SDK1: variants seen among roughly 807,000 people sequenced by gnomAD.
SDK1 encodes the protein protein sidekick-1.
Under a neutral mutation model 245.5 loss-of-function variants are expected in SDK1, and 157 were observed. That is an observed-to-expected ratio of 0.64 (90% CI 0.56 to 0.73). The LOEUF is 0.73. SDK1 is among the 30% of genes least tolerant of loss of function. SDK1 has a pLI of 0.00. For missense variants in SDK1, 3,583 were observed against 3,002.3 expected, an observed-to-expected ratio of 1.19 and a Z score of -4.52; for synonymous variants, 1,647 against 1,278.5, an observed-to-expected ratio of 1.29 and a Z score of -6.15.
chr7:3,870,460 T>C (rs1780929453), intron 5 of SDK1, among the ~76,000 whole-genome samples: 1 of 152,120 alleles, frequency 6.6e-6, no homozygotes, highest in African/African-American at 2.4e-5. Flanking sequence ...AGTAAATAGT[T>C]TTTATTCCTG....
chr7:3,478,787 C>G (rs1317685833), intron 1 of SDK1, among the ~76,000 whole-genome samples: 1 of 151,970 alleles, frequency 6.6e-6, no homozygotes, highest in Non-Finnish European at 1.5e-5. Flanking sequence ...TGATGCTTAG[C>G]TTGTTTATTT....
rs149119952 is a variant in SDK1, at chr7:4,245,718, C to T, written c.6294C>T (p.Asp2098=). ...GCCCCGGCGGCCTGCACTACTCAGA[C>T]GAGGACATCTGCAACAAGTACAACG... is the stretch of plus-strand genomic sequence containing the variant. ...RPSPGGLHYS[D]EDICNKYNGA... is the part of the protein sequence containing the mutation. The change falls in exon 44 of 45, where the codon GAC becomes GAT. Residue 2098 remains aspartate, a synonymous_variant. Transcript: ENST00000404826. 145 of 1,613,966 alleles carry T rather than the reference C, an allele frequency of 9.0e-5. No individual in the cohort carries two copies. In the African/African-American group the frequency reaches 1.6e-3, roughly 18 times the overall value.
At chr7:3,348,333 A>C (rs1258620296) in intron 1 of SDK1, among the ~76,000 whole-genome samples, 1 of 152,228 alleles carries the variant, frequency 6.6e-6, no homozygotes, top group Non-Finnish European at 1.5e-5. Context: ...GTAAGTGTGC[A>C]GTAAATGTGA....
At chr7:3,988,327 C>G (rs771834060) in intron 14 of SDK1, among the ~76,000 whole-genome samples, 4 of 151,780 alleles carry the variant, frequency 2.6e-5, no homozygotes, top group Non-Finnish European at 4.4e-5. Flanking sequence ...ATTCTGATCC[C>G]TTTCCTCTCT....
At chr7:3,691,688 AAC>A (rs1405004765) in intron 4 of SDK1, among the ~76,000 whole-genome samples, 1 of 152,226 alleles carries the variant, frequency 6.6e-6, no homozygotes, top group African/African-American at 2.4e-5. Context: ...CACCAACACA[AAC>A]ACACACCCCT....
At chr7:3,682,549 G>T (rs1467311090) in intron 4 of SDK1, among the ~76,000 whole-genome samples, 1 of 152,268 alleles carries the variant, frequency 6.6e-6, no homozygotes, top group Non-Finnish European at 1.5e-5. Flanking sequence ...ACAGTGCTGA[G>T]CCCCCATGCA....
chr7:3,432,410 A>G (rs1009585176), intron 1 of SDK1, among the ~76,000 whole-genome samples: 5 of 152,102 alleles, frequency 3.3e-5, no homozygotes, highest in South Asian at 2.1e-4. Flanking sequence ...GATTTGTACT[A>G]TGGCAATCTT....
chr7:3,971,556 G>T lies in SDK1; in HGVS notation c.1805G>T (p.Arg602Leu), dbSNP rs201803447. 1 of 1,611,288 alleles carries T rather than the reference G, an allele frequency of 6.2e-7. No individual in the cohort carries two copies. Among genetic ancestry groups the T allele is most frequent in the Admixed American group, 1.7e-5 (1 of 59,812 alleles). ...TLHCGATHDPRVSLRYVWKKD... is the reference protein window; with the variant it reads ...TLHCGATHDPLVSLRYVWKKD... ...CACTGTGGTGCCACACATGACCCCC[G>T]GGTTTCACTCCGGTCAGCACAATCA... Residue 602 changes from arginine (R) to leucine (L), a missense_variant, in exon 12 of 45, where the codon CGG (arginine) becomes CTG (leucine). Transcript: ENST00000404826.
Position 3,523,849 on chromosome 7 carries a change from A to G in SDK1, c.299-95231A>G, listed in dbSNP as rs546434839. 1.1e-3 allele frequency among the ~76,000 whole-genome samples: 163 copies of G among 152,326 alleles called. 1 individual carries two copies. Among genetic ancestry groups the G allele is most frequent in the African/African-American group, 3.7e-3 (155 of 41,580 alleles). ...AATTTCATCTTCACCAAGCAGTCTT[A>G]TGGTTGTACATTTGGTTTTCTACCC... is the stretch of plus-strand genomic sequence containing the variant. On this transcript the variant is annotated intron_variant, in intron 1 of 44. Coordinates refer to ENST00000404826, the MANE Select transcript of SDK1 (RefSeq NM_152744.4).
At chr7:3,446,056 C>G (rs936090989) in intron 1 of SDK1, among the ~76,000 whole-genome samples, 3 of 151,936 alleles carry the variant, frequency 2.0e-5, no homozygotes, top group African/African-American at 7.3e-5. Flanking sequence ...TTCTTTCAGC[C>G]CTTGAAAAAT....
chr7:3,785,982 A>G (rs1388811363), intron 4 of SDK1, among the ~76,000 whole-genome samples: 1 of 152,230 alleles, frequency 6.6e-6, no homozygotes, highest in Non-Finnish European at 1.5e-5. Flanking sequence ...TAGGTCATGC[A>G]TCTTGTTTTC....
chr7:3,641,975 G>A lies in SDK1; in HGVS notation c.583G>A (p.Asp195Asn). 1.2e-6 allele frequency: 2 copies of A among 1,613,238 alleles called. No individual in the cohort carries two copies. Among genetic ancestry groups the A allele is most frequent in the Admixed American group, 1.7e-5 (1 of 59,848 alleles). ...CTCTGCAGATATGGGAAGTTTCATGGATACGGACCAGAGGAAAACAGTTTC... is the reference window on the plus strand; with the variant it reads ...CTCTGCAGATATGGGAAGTTTCATGAATACGGACCAGAGGAAAACAGTTTC... ...VQVAYMGSFM[D>N]TDQRKTVSQG... The change falls in exon 4 of 45, where the codon GAT becomes AAT. Residue 195 changes from aspartate to asparagine, a missense_variant. Physicochemically the swap from Asp to Asn is conservative, Grantham distance 23. Coordinates refer to ENST00000404826, the MANE Select transcript of SDK1 (RefSeq NM_152744.4).
chr7:4,154,569 G>A (rs997056229), intron 30 of SDK1, among the ~76,000 whole-genome samples: 4 of 152,022 alleles, frequency 2.6e-5, no homozygotes, highest in South Asian at 2.1e-4. Flanking sequence ...GAAAGCTTTC[G>A]GGAAGACAAG....
intron 5 of SDK1, among the ~76,000 whole-genome samples, chr7:3,918,092 C>T (rs1779448031): frequency 6.6e-6 from 1 of 152,208 alleles, no homozygotes; most frequent in African/African-American, 2.4e-5. Flanking sequence ...GACTGGATCT[C>T]AGTTCAGCCA....
chr7:4,227,733 G>A (rs766005683), intron 40 of SDK1, among the ~76,000 whole-genome samples: 1 of 152,222 alleles, frequency 6.6e-6, no homozygotes, highest in African/African-American at 2.4e-5. Context: ...CCTGCAGCAC[G>A]CAGCTCCGTT....
chr7:4,225,247 C>G (rs1227404506), intron 40 of SDK1, among the ~76,000 whole-genome samples: 1 of 152,148 alleles, frequency 6.6e-6, no homozygotes, highest in Non-Finnish European at 1.5e-5. Context: ...AAAGGATACA[C>G]AGACTTGCTC....
intron 4 of SDK1, among the ~76,000 whole-genome samples, chr7:3,692,340 T>C (rs1190961423): frequency 6.6e-6 from 1 of 152,114 alleles, no homozygotes; most frequent in Non-Finnish European, 1.5e-5. Context: ...GCACTTTTCT[T>C]TAGTGTGTAT....
chr7:3,788,048 G>C (rs899438003), intron 4 of SDK1, among the ~76,000 whole-genome samples: 3 of 152,134 alleles, frequency 2.0e-5, no homozygotes, highest in Non-Finnish European at 2.9e-5. Flanking sequence ...CAAACAGCTC[G>C]TGTGCTCCGG....
At chr7:3,339,713 G>A (rs1026147130) in intron 1 of SDK1, among the ~76,000 whole-genome samples, 1 of 151,990 alleles carries the variant, frequency 6.6e-6, no homozygotes, top group Non-Finnish European at 1.5e-5. Context: ...TAAATATGTG[G>A]GATGTAGCTT....
Sources: allele counts gnomAD v4.1 joint callset (sites outside exome capture counted in the v4.1 genomes callset), GRCh38; gene constraint gnomAD v4.1.1; transcripts MANE v1.5; gene names NCBI Gene and HGNC (gene_info 2026-07-23, HGNC 2026-07-21).